The following SNRPD1 variants were observed in gnomAD, a reference collection of about 807,000 sequenced individuals.
The protein encoded by SNRPD1 is small nuclear ribonucleoprotein Sm D1.
SNRPD1 carries 1 observed loss-of-function variant against 14.4 expected under a neutral mutation model. The observed-to-expected ratio is 0.07, with a 90% confidence interval of 0.02 to 0.33. The LOEUF is 0.33. Ranked by LOEUF, SNRPD1 falls within the 10% of genes least tolerant of loss-of-function variation. The pLI is 1.00. For missense variants in SNRPD1, 52 were observed against 146.4 expected, an observed-to-expected ratio of 0.36 and a Z score of 3.33; for synonymous variants, 42 against 50.3, an observed-to-expected ratio of 0.83 and a Z score of 0.70.
chr18:21,632,855 C>CT lies in SNRPD1; in HGVS notation c.*3730dup, dbSNP rs1555676180. 785 of 134,588 alleles carry CT rather than the reference C, an allele frequency of 5.8e-3. 3 individuals carry two copies. Among genetic ancestry groups the CT allele is most frequent in the East Asian group, 9.8e-3 (49 of 5,020 alleles). The allele number at this position is 134,588 out of a possible 1,614,324, so 8.3% of individuals were successfully genotyped here. On this transcript the variant is annotated 3_prime_UTR_variant, in exon 4 of 4. Transcript: ENST00000300413. The stretch of plus-strand genomic sequence containing the variant: ...CTTTTCTTTTCTTTTCTTTTCTTTT[C>CT]TTTTTTTTTTTTTGAGACAGAGTCT...
intron 1 of SNRPD1, among the ~76,000 whole-genome samples, chr18:21,617,916 T>C (rs1308642617): frequency 6.6e-6 from 1 of 152,084 alleles, no homozygotes. Flanking sequence ...GAGACGGAGG[T>C]TGCAATGAGC....
rs745389859 is a variant in SNRPD1 at position 21,621,600 on chromosome 18, A to G, written c.15-1125A>G. Among the ~76,000 whole-genome samples, 4 of 151,550 alleles carry G rather than the reference A, an allele frequency of 2.6e-5. No homozygotes were observed. In the East Asian group the frequency reaches 7.8e-4, roughly 29 times the overall value. On this transcript the variant is annotated intron_variant, in intron 1 of 3. Coordinates refer to ENST00000300413, the MANE Select transcript of SNRPD1 (RefSeq NM_006938.4). ...TTATTTTTTTTTAATTTTTTTTGAGATGGAGTCTTGCTCTGTCCCCAGGTT... is the reference window on the plus strand; with the variant it reads ...TTATTTTTTTTTAATTTTTTTTGAGGTGGAGTCTTGCTCTGTCCCCAGGTT...
chr18:21,613,129 A>G (rs1251939516), intron 1 of SNRPD1, among the ~76,000 whole-genome samples: 1 of 152,178 alleles, frequency 6.6e-6, no homozygotes, highest in African/African-American at 2.4e-5. Context: ...TCACAACGTA[A>G]TTGTGGCTGA....
In SNRPD1 at chr18:21,632,499, G is replaced by C. The variant is rs913114249; in HGVS notation, c.*3361G>C. On this transcript the variant is annotated 3_prime_UTR_variant, in exon 4 of 4. Transcript: ENST00000300413. ...TTGTTTTGAGAGTTTTTGTGTCTAG[G>C]ATGTTTGCAGTGTGAAGCCAGTCTA... The C allele has an allele frequency of 6.6e-5, 10 of 151,954 alleles. 1 individual carries two copies. Among genetic ancestry groups the C allele is most frequent in the Admixed American group, 1.3e-4 (2 of 15,228 alleles). 9.4% of individuals were successfully genotyped at this position (151,954 alleles called of 1,614,324 possible). A position where few individuals can be genotyped will look rare whatever the true frequency, so the allele number is the denominator to read the frequency against.
chr18:21,619,766 C>G (rs1468135556), intron 1 of SNRPD1, among the ~76,000 whole-genome samples: 1 of 151,326 alleles, frequency 6.6e-6, no homozygotes, highest in Admixed American at 6.6e-5. Flanking sequence ...GGTGACAGAG[C>G]GAGACTCCGT....
chr18:21,614,805 A>G (rs912368763), intron 1 of SNRPD1, among the ~76,000 whole-genome samples: 1 of 152,192 alleles, frequency 6.6e-6, no homozygotes, highest in African/African-American at 2.4e-5. Context: ...AAGAATTCAG[A>G]CAGTGAAAGA....
Position 21,629,052 on chromosome 18 carries a change from T to C in SNRPD1, c.284-10T>C. 1.2e-6 allele frequency: 2 copies of C among 1,612,922 alleles called. No individual in the cohort carries two copies. Among genetic ancestry groups the C allele is most frequent in the Non-Finnish European group, 1.7e-6 (2 of 1,178,908 alleles). ...AGAATTGAACTTGGTTTGTTTTTCT[T>C]TTCCTTCAGTTGCAGGAAGAGGCAG... is the stretch of plus-strand genomic sequence containing the variant. On this transcript the variant is annotated splice_polypyrimidine_tract_variant and intron_variant, in intron 3 of 3. Transcript: ENST00000300413.
At chr18:21,625,616 G>A (rs1190237873) in intron 3 of SNRPD1, among the ~76,000 whole-genome samples, 8 of 150,334 alleles carry the variant, frequency 5.3e-5, no homozygotes, top group South Asian at 2.1e-4. Flanking sequence ...GCGCCCAGCC[G>A]AAATCTTTTT....
Position 21,630,825 on chromosome 18 carries a change from AATAT to A in SNRPD1, c.*1691_*1694del, listed in dbSNP as rs1245313545. 6.7e-5 allele frequency: 10 copies of A among 148,290 alleles called. No homozygotes were observed. The highest frequency in any genetic ancestry group is 1.2e-4 in the Non-Finnish European group (8 of 67,304). The allele number at this position is 148,290 out of a possible 1,614,324, so 9.2% of individuals were successfully genotyped here. ...ATATATGTATTTATACTAATATATA[AATAT>A]ATACTAATAGATATATTAGTATACA... On this transcript the variant is annotated 3_prime_UTR_variant, in exon 4 of 4. Transcript: ENST00000300413.
chr18:21,627,295 T>C (rs1413415321), intron 3 of SNRPD1, among the ~76,000 whole-genome samples: 1 of 152,050 alleles, frequency 6.6e-6, no homozygotes, highest in African/African-American at 2.4e-5. Context: ...TTTATTTTTT[T>C]GTAAAGACAG....
chr18:21,625,064 G>A (rs1224090644), intron 3 of SNRPD1, among the ~76,000 whole-genome samples: 1 of 152,036 alleles, frequency 6.6e-6, no homozygotes, highest in South Asian at 2.1e-4. Flanking sequence ...ATCCATGGAT[G>A]TGCAACCCAT....
At chr18:21,624,738 GA>G (rs1431708941) in intron 3 of SNRPD1, among the ~76,000 whole-genome samples, 50 of 150,972 alleles carry the variant, frequency 3.3e-4, no homozygotes, top group African/African-American at 1.2e-3. Flanking sequence ...TCCATAGCTT[GA>G]AAAACAATGA....
At chr18:21,618,800 T>TA (rs962502915) in intron 1 of SNRPD1, among the ~76,000 whole-genome samples, 29 of 150,332 alleles carry the variant, frequency 1.9e-4, no homozygotes, top group Non-Finnish European at 2.7e-4. Flanking sequence ...TCTATACCAC[T>TA]AAAAAAAAAG....
intron 3 of SNRPD1, among the ~76,000 whole-genome samples, chr18:21,626,395 A>G (rs1294224694): frequency 7.6e-4 from 67 of 88,700 alleles, no homozygotes; most frequent in Non-Finnish European, 6.9e-4. Flanking sequence ...CCCTGTCGCC[A>G]AAAAAAAAAA....
intron 3 of SNRPD1, among the ~76,000 whole-genome samples, chr18:21,627,003 C>G (rs906208879): frequency 1.4e-5 from 2 of 144,730 alleles, no homozygotes; most frequent in Non-Finnish European, 3.0e-5. Flanking sequence ...AAAAAAGAAG[C>G]AGCAGCTGGG....
intron 3 of SNRPD1, among the ~76,000 whole-genome samples, chr18:21,624,962 T>G (rs73427754): frequency 6.6e-6 from 1 of 152,138 alleles, no homozygotes; most frequent in African/African-American, 2.4e-5. Flanking sequence ...CTGTATTGTT[T>G]AGGCGTTAAT....
intron 1 of SNRPD1, 131 bp downstream of exon 1, chr18:21,612,574 C>T (rs1250373913): frequency 4.8e-6 from 3 of 621,162 alleles, no homozygotes; most frequent in Non-Finnish European, 7.9e-6. Flanking sequence ...GCCGGCCTTA[C>T]TGCGCCCGCA....
chr18:21,613,604 C>T (rs568344819), intron 1 of SNRPD1, among the ~76,000 whole-genome samples: 31 of 152,168 alleles, frequency 2.0e-4, no homozygotes, highest in African/African-American at 7.5e-4. Context: ...CGTCTGTAAT[C>T]CCAGCACTTT....
chr18:21,618,808 A>T (rs1452241590), intron 1 of SNRPD1, among the ~76,000 whole-genome samples: 1 of 152,182 alleles, frequency 6.6e-6, no homozygotes, highest in Non-Finnish European at 1.5e-5. Context: ...ACTAAAAAAA[A>T]AGAAATTAAA....
Sources: gnomAD v4.1 joint callset for allele counts (sites outside exome capture counted in the v4.1 genomes callset) on GRCh38, gnomAD v4.1.1 for gene constraint, MANE v1.5 for transcripts, NCBI Gene and HGNC (gene_info 2026-07-23, HGNC 2026-07-21) for gene names.